Variants in RBMS1 observed in about 807,000 individuals in gnomAD.
RBMS1 encodes RNA binding motif single stranded interacting protein 1.
RBMS1 carries 17 observed loss-of-function variants against 62.3 expected under a neutral mutation model. The ratio of observed to expected loss-of-function variants is 0.27; its 90% CI spans 0.19 to 0.41. The LOEUF is 0.41. RBMS1 is among the 10% of genes least tolerant of loss of function. The pLI is 1.00. For synonymous variants in RBMS1, 172 were observed against 170.0 expected, an observed-to-expected ratio of 1.01 and a Z score of -0.09; for missense variants, 334 against 504.5, an observed-to-expected ratio of 0.66 and a Z score of 3.24.
intron 1 of RBMS1, among the ~76,000 whole-genome samples, chr2:160,447,129 T>C (rs1295765438): frequency 6.6e-6 from 1 of 152,150 alleles, no homozygotes; most frequent in Non-Finnish European, 1.5e-5. Context: ...TCCAGTTCAA[T>C]AGTCCAGGGG....
chr2:160,376,460 G>A (rs1694005055), intron 1 of RBMS1, among the ~76,000 whole-genome samples: 1 of 151,946 alleles, frequency 6.6e-6, no homozygotes, highest in Non-Finnish European at 1.5e-5. Context: ...AAACATCACT[G>A]AGAAAATTTT....
intron 2 of RBMS1, among the ~76,000 whole-genome samples, chr2:160,362,899 C>T (rs942009054): frequency 2.0e-5 from 3 of 152,052 alleles, no homozygotes; most frequent in African/African-American, 7.2e-5. Flanking sequence ...TAAGCTACTT[C>T]CCTGGCTTTC....
intron 1 of RBMS1, among the ~76,000 whole-genome samples, chr2:160,394,269 G>A (rs1001904008): frequency 6.6e-6 from 1 of 152,106 alleles, no homozygotes; most frequent in African/African-American, 2.4e-5. Flanking sequence ...CCTCACAGAC[G>A]AGCCTTCTCC....
chr2:160,398,061 C>T (rs1156882372), intron 1 of RBMS1, among the ~76,000 whole-genome samples: 1 of 152,174 alleles, frequency 6.6e-6, no homozygotes, highest in Non-Finnish European at 1.5e-5. Flanking sequence ...TGCTTCTTCC[C>T]CAGAGCTCCG....
chr2:160,392,122 T>G (rs1206178116), intron 1 of RBMS1, among the ~76,000 whole-genome samples: 1 of 152,216 alleles, frequency 6.6e-6, no homozygotes, highest in Non-Finnish European at 1.5e-5. Context: ...GAATCAGACC[T>G]ACCTTCACTT....
intron 1 of RBMS1, among the ~76,000 whole-genome samples, chr2:160,456,029 A>G (rs1209383389): frequency 6.6e-6 from 1 of 152,224 alleles, no homozygotes; most frequent in East Asian, 1.9e-4. Flanking sequence ...GATAAAAGCA[A>G]TATTTGGAAA....
In RBMS1 at chr2:160,272,781, C is replaced by A. The variant is rs998005709; in HGVS notation, c.*1991G>T. The A allele has an allele frequency of 1.3e-5, 2 of 152,218 alleles. No homozygotes were observed. The highest frequency in any genetic ancestry group is 4.8e-5 in the African/African-American group (2 of 41,452). 9.4% of individuals were successfully genotyped at this position (152,218 alleles called of 1,614,324 possible). On this transcript the variant is annotated 3_prime_UTR_variant, in exon 14 of 14. Transcript: ENST00000348849. ...CAAAAACAAAAACAAAAACACATTT[C>A]TCTTATGACTATGTAATTTTCACTA...
rs780981652 is a variant in RBMS1 at position 160,473,107 on chromosome 2, A to C, written c.75+20182T>G. 2.0e-5 allele frequency among the ~76,000 whole-genome samples: 3 copies of C among 152,240 alleles called. No individual in the cohort carries two copies. In the South Asian group the frequency reaches 6.2e-4, roughly 32 times the overall value. On this transcript the variant is annotated intron_variant, in intron 1 of 13. Coordinates refer to ENST00000348849, the MANE Select transcript of RBMS1 (RefSeq NM_016836.4). ...GCTTTTACAGTTAACGCTAAGTGAC[A>C]GTTGACTTCTCTTTAGGATTGTATA...
chr2:160,285,140 C>T lies in RBMS1; in HGVS notation c.757-96G>A, dbSNP rs1422952674. 2.0e-5 allele frequency: 24 copies of T among 1,218,416 alleles called. No individual in the cohort carries two copies. The Middle Eastern group carries it at 6.8e-4, about 34-fold the overall frequency. The allele number at this position is 1,218,416 out of a possible 1,614,324, so 75.5% of individuals were successfully genotyped here. On this transcript the variant is annotated intron_variant, in intron 7 of 13. Transcript: ENST00000348849. ...GGTGTGGTGGTGTGCACCTGTAGTC[C>T]CAGCTGCTGGGGAGGCTGAGGTGGG...
At chr2:160,349,397 GA>G (rs1167878469) in intron 2 of RBMS1, among the ~76,000 whole-genome samples, 2 of 152,020 alleles carry the variant, frequency 1.3e-5, no homozygotes, top group Admixed American at 6.6e-5. Flanking sequence ...ATAAATAGAT[GA>G]AAAAAATCCA....
chr2:160,340,678 A>C lies in RBMS1; in HGVS notation c.252-22451T>G, dbSNP rs1020018934. 2.0e-4 allele frequency among the ~76,000 whole-genome samples: 30 copies of C among 152,186 alleles called. 1 individual carries two copies. The highest frequency in any genetic ancestry group is 6.5e-5 in the Admixed American group (1 of 15,276). On this transcript the variant is annotated intron_variant, in intron 2 of 13. Transcript: ENST00000348849. Reference sequence around the variant, plus strand: ...AAACTGTTACCACCATCCAGAAAAAAAAACCTAGCAAAACAAAGAAAACTT... The same window carrying C: ...AAACTGTTACCACCATCCAGAAAAACAAACCTAGCAAAACAAAGAAAACTT...
At chr2:160,375,908 A>AAG (rs1224678175) in intron 1 of RBMS1, among the ~76,000 whole-genome samples, 1 of 151,832 alleles carries the variant, frequency 6.6e-6, no homozygotes, top group Non-Finnish European at 1.5e-5. Context: ...AAAAAAAAAA[A>AAG]AAAGAAAGAA....
chr2:160,299,225 G>A (rs1170179661), intron 6 of RBMS1, among the ~76,000 whole-genome samples: 1 of 152,166 alleles, frequency 6.6e-6, no homozygotes, highest in African/African-American at 2.4e-5. Flanking sequence ...TTTAAATGTT[G>A]ACATGAGAAG....
chr2:160,284,852 A>G lies in RBMS1; in HGVS notation c.823T>C (p.Tyr275His), dbSNP rs1688283918. 1.2e-6 allele frequency: 2 copies of G among 1,605,454 alleles called. No homozygotes were observed. The highest frequency in any genetic ancestry group is 1.3e-5 in the African/African-American group (1 of 74,764). Reference protein sequence around the residue: ...AIQNGFYPSPYSIATNRMITQ... With the variant: ...AIQNGFYPSPHSIATNRMITQ... ...ATCATTCGGTTTGTAGCAATACTGTATGGTGAAGGATAAAATCTAGAACAA... is the reference window on the plus strand; with the variant it reads ...ATCATTCGGTTTGTAGCAATACTGTGTGGTGAAGGATAAAATCTAGAACAA... Residue 275 changes from tyrosine (Y) to histidine (H), a missense_variant, in exon 9 of 14, where the codon TAC becomes CAC. Tyr to His is a moderately conservative substitution (Grantham distance 83). Coordinates refer to ENST00000348849, the MANE Select transcript of RBMS1 (RefSeq NM_016836.4).
At chr2:160,441,811 C>T (rs562365082) in intron 1 of RBMS1, among the ~76,000 whole-genome samples, 4 of 152,316 alleles carry the variant, frequency 2.6e-5, no homozygotes, top group African/African-American at 9.6e-5. Flanking sequence ...TATACATCCT[C>T]CCTAACAGTA....
chr2:160,276,964 A>G (rs1321159918), intron 12 of RBMS1, among the ~76,000 whole-genome samples: 1 of 152,118 alleles, frequency 6.6e-6, no homozygotes, highest in African/African-American at 2.4e-5. Context: ...TGTAGTTGCA[A>G]ACTCCAGGGC....
intron 1 of RBMS1, among the ~76,000 whole-genome samples, chr2:160,421,196 G>A (rs1266511525): frequency 6.6e-6 from 1 of 151,344 alleles, no homozygotes; most frequent in Non-Finnish European, 1.5e-5. Context: ...TGTACAACGT[G>A]CAGGTTTGTT....
intron 1 of RBMS1, among the ~76,000 whole-genome samples, chr2:160,484,706 C>T (rs553239708): frequency 1.3e-5 from 2 of 151,060 alleles, no homozygotes; most frequent in Non-Finnish European, 2.9e-5. Context: ...CCCGCCTCTA[C>T]TGAAAATACA....
At chr2:160,434,401 T>C (rs1342546346) in intron 1 of RBMS1, among the ~76,000 whole-genome samples, 1 of 151,658 alleles carries the variant, frequency 6.6e-6, no homozygotes, top group African/African-American at 2.4e-5. Flanking sequence ...TACTAAAAAA[T>C]AGGGCATGAG....
Sources: allele counts gnomAD v4.1 joint callset (sites outside exome capture counted in the v4.1 genomes callset), GRCh38; gene constraint gnomAD v4.1.1; transcripts MANE v1.5; gene names NCBI Gene and HGNC (gene_info 2026-07-23, HGNC 2026-07-21).